PHLPP1: variants seen among roughly 807,000 people sequenced by gnomAD.
The protein encoded by PHLPP1 is PH domain leucine-rich repeat-containing protein phosphatase 1.
A neutral mutation model predicts 117.2 loss-of-function variants in PHLPP1; 42 were observed. That is an observed-to-expected ratio of 0.36 (90% confidence interval 0.28 to 0.46). The LOEUF (loss-of-function observed/expected upper bound fraction) is 0.46. PHLPP1 is among the 20% of genes least tolerant of loss of function. The pLI, the probability that PHLPP1 is intolerant of heterozygous loss-of-function variation, is 1.00. For synonymous variants in PHLPP1, 1,042 were observed against 970.7 expected, an observed-to-expected ratio of 1.07 and a Z score of -1.37; for missense variants, 2,084 against 2,241.9, an observed-to-expected ratio of 0.93 and a Z score of 1.42.
At chr18:62,917,444 T>A (rs1909325240) in intron 9 of PHLPP1, among the ~76,000 whole-genome samples, 1 of 119,360 alleles carries the variant, frequency 8.4e-6, no homozygotes, top group Non-Finnish European at 1.8e-5. Flanking sequence ...GTTTAACATG[T>A]GGGACAAAAA....
intron 1 of PHLPP1, among the ~76,000 whole-genome samples, chr18:62,794,486 A>G (rs537007978): frequency 4.5e-4 from 68 of 151,726 alleles, no homozygotes; most frequent in South Asian, 3.7e-3. Flanking sequence ...CTTAACCTCA[A>G]CCTTCTAAGT....
chr18:62,792,692 G>A (rs1913497234), intron 1 of PHLPP1, among the ~76,000 whole-genome samples: 1 of 151,846 alleles, frequency 6.6e-6, no homozygotes, highest in African/African-American at 2.4e-5. Context: ...GCAACATAGG[G>A]AGACCCCATC....
At chr18:62,863,443 T>TC (rs1024910272) in intron 4 of PHLPP1, among the ~76,000 whole-genome samples, 1 of 152,198 alleles carries the variant, frequency 6.6e-6, no homozygotes, top group Non-Finnish European at 1.5e-5. Flanking sequence ...ACTCAAGTGA[T>TC]CCACCCACCT....
chr18:62,888,262 A>G (rs151046105), intron 4 of PHLPP1, among the ~76,000 whole-genome samples: 1,553 of 151,982 alleles, frequency 0.01, 16 homozygotes, highest in Admixed American at 0.031. Context: ...AGTTTAAAAT[A>G]GAATTATTTA....
At chr18:62,738,848 A>G (rs1418802725) in intron 1 of PHLPP1, among the ~76,000 whole-genome samples, 1 of 152,238 alleles carries the variant, frequency 6.6e-6, no homozygotes, top group Non-Finnish European at 1.5e-5. Context: ...GTAAAATTGC[A>G]GATAAGTGCA....
intron 10 of PHLPP1, among the ~76,000 whole-genome samples, chr18:62,932,328 C>T (rs946060632): frequency 6.6e-6 from 1 of 151,852 alleles, no homozygotes; most frequent in Admixed American, 6.6e-5. Context: ...AGGAAAATAA[C>T]AAGCCAATAT....
At chr18:62,857,173 T>C (rs1168762557) in intron 3 of PHLPP1, among the ~76,000 whole-genome samples, 4 of 152,194 alleles carry the variant, frequency 2.6e-5, no homozygotes, top group African/African-American at 9.6e-5. Flanking sequence ...TGCTGTAACA[T>C]ATTAGCAAAC....
intron 14 of PHLPP1, among the ~76,000 whole-genome samples, chr18:62,964,196 G>T (rs527334923): frequency 3.3e-5 from 5 of 152,156 alleles, no homozygotes; most frequent in Admixed American, 1.3e-4. Context: ...CAGAAGTATT[G>T]TAAGGAAGAA....
At chr18:62,805,851 T>A (rs1913934514) in intron 1 of PHLPP1, among the ~76,000 whole-genome samples, 1 of 152,074 alleles carries the variant, frequency 6.6e-6, no homozygotes, top group African/African-American at 2.4e-5. Flanking sequence ...AAGATTCTTT[T>A]TCACCCCCAT....
chr18:62,809,950 G>C (rs1914063725), intron 1 of PHLPP1, among the ~76,000 whole-genome samples: 1 of 152,188 alleles, frequency 6.6e-6, no homozygotes, highest in Non-Finnish European at 1.5e-5. Flanking sequence ...GTTGTGAGTA[G>C]GTTGCAAAAG....
chr18:62,751,883 GT>G (rs1911865486), intron 1 of PHLPP1, among the ~76,000 whole-genome samples: 1 of 152,126 alleles, frequency 6.6e-6, no homozygotes, highest in African/African-American at 2.4e-5. Flanking sequence ...AAGTGACTCA[GT>G]GGATTGATAA....
chr18:62,865,293 T>C (rs1248303143), intron 4 of PHLPP1, among the ~76,000 whole-genome samples: 1 of 152,072 alleles, frequency 6.6e-6, no homozygotes, highest in Non-Finnish European at 1.5e-5. Context: ...ACTATTGCAC[T>C]CCAGCCTAGG....
At chr18:62,971,617 T>G (rs1164293484) in intron 14 of PHLPP1, among the ~76,000 whole-genome samples, 1 of 152,174 alleles carries the variant, frequency 6.6e-6, no homozygotes, top group African/African-American at 2.4e-5. Context: ...TCTTCCTCCC[T>G]GTGCTGCAGC....
chr18:62,841,521 A>T (rs1915051430), intron 3 of PHLPP1, among the ~76,000 whole-genome samples: 1 of 151,264 alleles, frequency 6.6e-6, no homozygotes, highest in Middle Eastern at 3.4e-3. Context: ...TTTAGTAGAG[A>T]TGGGGTTTCA....
rs1910697204 is a variant in PHLPP1, at chr18:62,715,723, G to A, written c.40G>A (p.Glu14Lys). Residue 14 changes from glutamate to lysine, a missense_variant, in exon 1 of 17, where the codon GAG becomes AAG. Glu to Lys is a moderately conservative substitution (Grantham distance 56, BLOSUM62 1). Coordinates refer to ENST00000262719, the MANE Select transcript of PHLPP1 (RefSeq NM_194449.4). ...CGCGGCCACGGTACAGCGACTCCCCGAGCTCGGCAGGGAGGACCGAGCTTC... is the reference window on the plus strand; with the variant it reads ...CGCGGCCACGGTACAGCGACTCCCCAAGCTCGGCAGGGAGGACCGAGCTTC... Reference protein sequence around the residue: ...AAAATVQRLPELGREDRASAP... With the variant: ...AAAATVQRLPKLGREDRASAP... The A allele has an allele frequency of 4.1e-5, 52 of 1,267,966 alleles. No individual in the cohort carries two copies. Among genetic ancestry groups the A allele is most frequent in the Middle Eastern group, 2.8e-4 (1 of 3,534 alleles). 78.5% of individuals were successfully genotyped at this position (1,267,966 alleles called of 1,614,324 possible).
intron 1 of PHLPP1, among the ~76,000 whole-genome samples, chr18:62,808,547 G>GTTTTTTTTTTTTTTT (rs1555673585): frequency 1.4e-5 from 2 of 142,396 alleles, no homozygotes; most frequent in South Asian, 2.3e-4. Flanking sequence ...TCATCTCTCT[G>GTTTTTTTTTTTTTTT]TTTTTTTTTG....
At chr18:62,769,076 TAAAAG>T (rs1246087060) in intron 1 of PHLPP1, among the ~76,000 whole-genome samples, 1 of 152,200 alleles carries the variant, frequency 6.6e-6, no homozygotes, top group Admixed American at 6.5e-5. Flanking sequence ...ACTAAGTCCT[TAAAAG>T]AATAACTCTG....
intron 3 of PHLPP1, among the ~76,000 whole-genome samples, chr18:62,853,731 A>C (rs1218673935): frequency 6.6e-6 from 1 of 152,200 alleles, no homozygotes; most frequent in African/African-American, 2.4e-5. Context: ...AACTGATCAC[A>C]ACTTGAATCT....
intron 11 of PHLPP1, 89 bp downstream of exon 11, chr18:62,942,007 G>C: frequency 1.9e-6 from 2 of 1,034,620 alleles, no homozygotes; most frequent in South Asian, 1.6e-5. Context: ...TATTTCCCAG[G>C]TGATGTCAAG....
Sources: gnomAD v4.1 joint callset for allele counts (sites outside exome capture counted in the v4.1 genomes callset) on GRCh38, gnomAD v4.1.1 for gene constraint, MANE v1.5 for transcripts, NCBI Gene and HGNC (gene_info 2026-07-23, HGNC 2026-07-21) for gene names.